TFB2M: variants seen among roughly 807,000 people sequenced by gnomAD.
TFB2M encodes dimethyladenosine transferase 2, mitochondrial.
Under a neutral mutation model 41.3 loss-of-function variants are expected in TFB2M, and 44 were observed. The ratio of observed to expected loss-of-function variants is 1.07; its 90% CI spans 0.84 to 1.37. TFB2M has a LOEUF of 1.37. TFB2M is among the 40% of genes most tolerant of loss of function. The probability of loss-of-function intolerance (pLI) is 0.00; values close to 1 mark genes in which losing one functional copy is unlikely to be tolerated. For synonymous variants in TFB2M, 188 were observed against 176.8 expected, an observed-to-expected ratio of 1.06 and a Z score of -0.50; for missense variants, 496 against 490.2, an observed-to-expected ratio of 1.01 and a Z score of -0.11.
In TFB2M at chr1:246,551,266, G is replaced by A. The variant is rs775165493; in HGVS notation, c.742C>T (p.His248Tyr). 4 of 1,613,646 alleles carry A rather than the reference G, an allele frequency of 2.5e-6. No homozygotes were observed. Among genetic ancestry groups the A allele is most frequent in the South Asian group, 2.2e-5 (2 of 91,058 alleles). ...MADPGNPDLY[H>Y]VLSVIWQLAC... ...AATTGCCAGATAACACTTAATACATGATACAAGTCTGGATTTCCGGGATCT... is the reference window on the plus strand; with the variant it reads ...AATTGCCAGATAACACTTAATACATAATACAAGTCTGGATTTCCGGGATCT... Residue 248 changes from histidine (H) to tyrosine (Y), a missense_variant, in exon 5 of 8, where the codon CAT becomes TAT. Transcript: ENST00000366514.
intron 7 of TFB2M, 115 bp from the exon 8 acceptor site, chr1:246,541,317 GT>G (rs1237726384): frequency 7.3e-6 from 7 of 952,984 alleles, no homozygotes; most frequent in Non-Finnish European, 1.1e-5. Flanking sequence ...GGCATACAGA[GT>G]GCTATAATGG....
At chr1:246,541,847 T>C (rs1420923497) in intron 7 of TFB2M, among the ~76,000 whole-genome samples, 1 of 152,244 alleles carries the variant, frequency 6.6e-6, no homozygotes, top group Non-Finnish European at 1.5e-5. Context: ...ATTTTTCACA[T>C]TTTGATGTAA....
At position 246,566,217 on chromosome 1, in the gene TFB2M, G is replaced by T; in HGVS notation, c.-79C>A. 6.8e-7 allele frequency: 1 copy of T among 1,461,740 alleles called. No homozygotes were observed. The highest frequency in any genetic ancestry group is 9.3e-7 in the Non-Finnish European group (1 of 1,081,022). 90.5% of individuals were successfully genotyped at this position (1,461,740 alleles called of 1,614,324 possible). On this transcript the variant is annotated 5_prime_UTR_variant, in exon 1 of 8. Transcript: ENST00000366514. ...AACCCCACGCAGGGTATCCCACGTG[G>T]AACATTTTCTGGCGTCCGGGCCAGG...
At chr1:246,560,012 G>A (rs762238931) in intron 2 of TFB2M, among the ~76,000 whole-genome samples, 2 of 152,148 alleles carry the variant, frequency 1.3e-5, no homozygotes, top group African/African-American at 2.4e-5. Context: ...CCTGAGGGCC[G>A]CATACAGCCC....
At chr1:246,551,174 C>T in intron 5 of TFB2M, 39 bp downstream of exon 5, 1 of 1,542,500 alleles carries the variant, frequency 6.5e-7, no homozygotes, top group Non-Finnish European at 9.0e-7. Flanking sequence ...GACCCTGTCG[C>T]TAAAGAAAAA....
chr1:246,559,392 T>C (rs80091725), intron 2 of TFB2M, among the ~76,000 whole-genome samples: 1 of 152,072 alleles, frequency 6.6e-6, no homozygotes, highest in Admixed American at 6.6e-5. Context: ...CTACTAAAAA[T>C]ACAAAAGTAA....
rs377081181 is a variant in TFB2M at position 246,564,552 on chromosome 1, G to A, written c.314-118C>T. 10 of 813,812 alleles carry A rather than the reference G, an allele frequency of 1.2e-5. 1 individual carries two copies. The highest frequency in any genetic ancestry group is 4.9e-5 in the South Asian group (3 of 61,482). The allele number at this position is 813,812 out of a possible 1,614,324, so 50.4% of individuals were successfully genotyped here. A position where few individuals can be genotyped will look rare whatever the true frequency, so the allele number is the denominator to read the frequency against. The stretch of plus-strand genomic sequence containing the variant: ...CTGGTTTTTAAATCTGACAGCATCC[G>A]CAAAGTAGATGTCACTCTCCTTTTT... On this transcript the variant is annotated intron_variant, in intron 1 of 7. Coordinates refer to ENST00000366514, the MANE Select transcript of TFB2M (RefSeq NM_022366.3).
chr1:246,555,670 T>C (rs563173704), intron 4 of TFB2M, among the ~76,000 whole-genome samples: 12 of 152,316 alleles, frequency 7.9e-5, no homozygotes, highest in African/African-American at 2.9e-4. Context: ...AGCTGTACAC[T>C]CAAAGGACTT....
Position 246,564,392 on chromosome 1 carries a change from T to G in TFB2M, c.356A>C (p.Lys119Thr). 6.2e-7 allele frequency: 1 copy of G among 1,614,202 alleles called. No individual in the cohort carries two copies. Among genetic ancestry groups the G allele is most frequent in the Non-Finnish European group, 8.5e-7 (1 of 1,180,020 alleles). The change falls in exon 2 of 8, where the codon AAA (lysine) becomes ACA (threonine). Residue 119 changes from lysine (K) to threonine (T), a missense_variant. By Grantham distance (78) the Lys-to-Thr change is moderately conservative. Coordinates refer to ENST00000366514, the MANE Select transcript of TFB2M (RefSeq NM_022366.3). Reference sequence around the variant, plus strand: ...TTTGTCACTTTCGAGCGCAACCACTTTGGCACCAGCTTCAAGTAATGCCTG... The same window carrying G: ...TTTGTCACTTTCGAGCGCAACCACTGTGGCACCAGCTTCAAGTAATGCCTG... ...LTQALLEAGA[K>T]VVALESDKTF...
At chr1:246,545,652 A>T (rs1183106114) in intron 6 of TFB2M, among the ~76,000 whole-genome samples, 1 of 151,854 alleles carries the variant, frequency 6.6e-6, no homozygotes, top group Non-Finnish European at 1.5e-5. Flanking sequence ...GTCTCTACAA[A>T]CAGTACAAAA....
chr1:246,558,159 T>TC (rs1659372413), intron 2 of TFB2M, among the ~76,000 whole-genome samples: 1 of 147,694 alleles, frequency 6.8e-6, no homozygotes, highest in South Asian at 2.1e-4. Context: ...TCTGTTTACT[T>TC]TTTTTTTTTT....
At chr1:246,546,028 C>T (rs750938955) in intron 6 of TFB2M, among the ~76,000 whole-genome samples, 1 of 151,970 alleles carries the variant, frequency 6.6e-6, no homozygotes, top group East Asian at 1.9e-4. Flanking sequence ...AAAATCAAAT[C>T]CCAGACATGA....
At chr1:246,547,445 T>A (rs1341964940) in intron 6 of TFB2M, among the ~76,000 whole-genome samples, 1 of 152,238 alleles carries the variant, frequency 6.6e-6, no homozygotes, top group East Asian at 1.9e-4. Flanking sequence ...TTATTCCTAT[T>A]CTGTTTTTTG....
At chr1:246,545,079 T>C (rs540406462) in intron 6 of TFB2M, among the ~76,000 whole-genome samples, 1 of 152,096 alleles carries the variant, frequency 6.6e-6, no homozygotes, top group Non-Finnish European at 1.5e-5. Flanking sequence ...GTGCTGGGAT[T>C]ACAGGCGTGA....
intron 3 of TFB2M, 116 bp from the exon 4 acceptor site, chr1:246,556,837 A>G (rs1465829819): frequency 1.1e-6 from 1 of 877,428 alleles, no homozygotes; most frequent in African/African-American, 1.8e-5. Flanking sequence ...GTTTATTTCA[A>G]TTAAAACTAA....
At chr1:246,548,282 T>C (rs1659077365) in intron 6 of TFB2M, among the ~76,000 whole-genome samples, 1 of 152,194 alleles carries the variant, frequency 6.6e-6, no homozygotes, top group African/African-American at 2.4e-5. Flanking sequence ...AAATTTGAAA[T>C]GTACCTTCAT....
intron 6 of TFB2M, among the ~76,000 whole-genome samples, chr1:246,545,313 G>A (rs1234589433): frequency 1.3e-5 from 2 of 151,964 alleles, no homozygotes; most frequent in East Asian, 2.0e-4. Flanking sequence ...TGGATCACTC[G>A]AGGTCAGGAG....
intron 4 of TFB2M, among the ~76,000 whole-genome samples, chr1:246,553,657 C>A (rs1050223856): frequency 1.3e-4 from 19 of 151,908 alleles, no homozygotes; most frequent in Admixed American, 9.2e-4. Context: ...GACAGTGAGA[C>A]CCTGTGTCAA....
chr1:246,546,795 T>C (rs1379044969), intron 6 of TFB2M, among the ~76,000 whole-genome samples: 1 of 129,748 alleles, frequency 7.7e-6, no homozygotes, highest in Non-Finnish European at 1.7e-5. Flanking sequence ...AAACAAAACT[T>C]GGATAGAAAT....
Sources: allele counts gnomAD v4.1 joint callset (sites outside exome capture counted in the v4.1 genomes callset), GRCh38; gene constraint gnomAD v4.1.1; transcripts MANE v1.5; gene names NCBI Gene and HGNC (gene_info 2026-07-23, HGNC 2026-07-21).